Variants in PITPNM2 observed in about 807,000 individuals in gnomAD.
PITPNM2 encodes the protein phosphatidylinositol transfer protein membrane associated 2.
In PITPNM2, 35 loss-of-function variants were observed where a neutral mutation model predicts 132.2. The ratio of observed to expected loss-of-function variants is 0.26; its 90% confidence interval spans 0.20 to 0.35. The LOEUF is 0.35. Among genes scored for constraint, PITPNM2 ranks in the 10% least tolerant of loss-of-function variants. The pLI, the probability that PITPNM2 is intolerant of heterozygous loss-of-function variation, is 1.00. For missense variants in PITPNM2, 1,332 were observed against 1,912.0 expected (o/e 0.70, Z 5.66); for synonymous variants, 738 against 799.2 (o/e 0.92, Z 1.29).
In PITPNM2 at chr12:122,990,568, T is replaced by C. The variant is rs2038143059; in HGVS notation, c.2546A>G (p.Tyr849Cys). 2 of 1,612,916 alleles carry C rather than the reference T, an allele frequency of 1.2e-6. No homozygotes were observed. The highest frequency in any genetic ancestry group is 1.3e-5 in the African/African-American group (1 of 74,946). The change falls in exon 17 of 26, where the codon TAC becomes TGC. Residue 849 changes from tyrosine (Y) to cysteine (C), a missense_variant. Around this residue, in one of 6 missense-constraint regions of PITPNM2, gnomAD observed 710 missense variants for 911.5 expected, o/e 0.78. Transcript: ENST00000320201. ...ASQVSGMAESYTASSIAQKAP... is the reference protein window; with the variant it reads ...ASQVSGMAESCTASSIAQKAP... The stretch of plus-strand genomic sequence containing the variant: ...ACTCTGGGCGATGCTGGATGCCGTG[T>C]AGCTCTCAGCCATGCCTGACACCTG...
At chr12:123,006,657 G>A (rs983682913) in intron 6 of PITPNM2, among the ~76,000 whole-genome samples, 2 of 151,268 alleles carry the variant, frequency 1.3e-5, no homozygotes, top group Admixed American at 6.6e-5. Flanking sequence ...AGGCTGCAGC[G>A]AGCCATGATC....
intron 10 of PITPNM2, 92 bp from the exon 11 acceptor site, chr12:122,997,664 C>G: frequency 6.6e-7 from 1 of 1,516,022 alleles, no homozygotes; most frequent in Admixed American, 1.8e-5. Flanking sequence ...GTGCCTCTTG[C>G]ACGCAGCCCA....
At chr12:123,085,504 G>C (rs1244376932) in intron 2 of PITPNM2, among the ~76,000 whole-genome samples, 1 of 152,156 alleles carries the variant, frequency 6.6e-6, no homozygotes, top group Non-Finnish European at 1.5e-5. Flanking sequence ...AGGCTACTGG[G>C]GGTGAGGAAA....
At position 123,117,861 on chromosome 12, in the gene PITPNM2, T is replaced by C. The variant is rs955471394; in HGVS notation, c.-199-7373A>G. Among the ~76,000 whole-genome samples the C allele has an allele frequency of 7.9e-5, 12 of 152,138 alleles. No individual in the cohort carries two copies. The highest frequency in any genetic ancestry group is 2.9e-4 in the African/African-American group (12 of 41,430). On this transcript the variant is annotated intron_variant, in intron 1 of 25. Coordinates refer to ENST00000320201, the MANE Select transcript of PITPNM2 (RefSeq NM_020845.3). This position sits in a 1 kb window ranked among gnomAD's most constrained non-coding sequence, Gnocchi z 4.7. ...GAGGCTACGGGACTAGTTATATGAGTAGGGGAGGTCCACCACTTCAAAGCC... is the reference window on the plus strand; with the variant it reads ...GAGGCTACGGGACTAGTTATATGAGCAGGGGAGGTCCACCACTTCAAAGCC...
chr12:123,021,973 C>A (rs1029411819), intron 3 of PITPNM2, among the ~76,000 whole-genome samples: 2 of 152,190 alleles, frequency 1.3e-5, no homozygotes, highest in African/African-American at 4.8e-5. Context: ...GGAACATCAT[C>A]CCAGGATGCC....
chr12:123,134,131 T>C (rs1202255551), intron 1 of PITPNM2, among the ~76,000 whole-genome samples: 1 of 152,138 alleles, frequency 6.6e-6, no homozygotes, highest in Non-Finnish European at 1.5e-5. Flanking sequence ...AGAGGCGTGA[T>C]CTTGGCTCAC....
Position 122,996,711 on chromosome 12 carries a change from C to G in PITPNM2, c.1662+10G>C. 1.2e-6 allele frequency: 2 copies of G among 1,610,880 alleles called. No homozygotes were observed. Among genetic ancestry groups the G allele is most frequent in the Non-Finnish European group, 1.7e-6 (2 of 1,179,134 alleles). ...ATCCTCCTCCCCTCCCCAACTTCCC[C>G]GGGACTCACCTGCCCATTGAAGGTC... On this transcript the variant is annotated intron_variant, in intron 12 of 25. Coordinates refer to ENST00000320201, the MANE Select transcript of PITPNM2 (RefSeq NM_020845.3).
Position 123,036,152 on chromosome 12 carries a change from C to G in PITPNM2, c.-95-1467G>C, listed in dbSNP as rs193186176. Reference sequence around the variant, plus strand: ...CCAGTCAGGCAACTTCCCCAGGGCACGGCTCTCTATCGGGCATTGGAGTAT... The same window carrying G: ...CCAGTCAGGCAACTTCCCCAGGGCAGGGCTCTCTATCGGGCATTGGAGTAT... On this transcript the variant is annotated intron_variant, in intron 2 of 25. Coordinates refer to ENST00000320201, the MANE Select transcript of PITPNM2 (RefSeq NM_020845.3). The surrounding 1 kb of genome is among the most constrained non-coding windows in gnomAD (Gnocchi z 4.1). 2.0e-5 allele frequency among the ~76,000 whole-genome samples: 3 copies of G among 152,182 alleles called. No individual in the cohort carries two copies. The highest frequency in any genetic ancestry group is 4.4e-5 in the Non-Finnish European group (3 of 68,040).
chr12:123,138,052 A>G (rs920118877), intron 1 of PITPNM2, among the ~76,000 whole-genome samples: 6 of 152,188 alleles, frequency 3.9e-5, no homozygotes, highest in Non-Finnish European at 1.5e-5. Flanking sequence ...GGCAAACCAA[A>G]GTCAAAATTT....
chr12:122,996,816 G>C lies in PITPNM2; in HGVS notation c.1567C>G (p.Gln523Glu), dbSNP rs2038449835. Reference protein sequence around the residue: ...ALPLLATSSPQYQEAVATVIQ... With the variant: ...ALPLLATSSPEYQEAVATVIQ... ...ACTGTGGCAACTGCCTCCTGGTACT[G>C]GGGGGAGGAGGTGGCCAGCAGGGGG... Residue 523 changes from glutamine to glutamate, a missense_variant, in exon 12 of 26, where the codon CAG (glutamine) becomes GAG (glutamate). Gln to Glu is a conservative substitution (Grantham distance 29). Transcript: ENST00000320201. The C allele has an allele frequency of 6.2e-7, 1 of 1,602,446 alleles. No homozygotes were observed. The highest frequency in any genetic ancestry group is 8.5e-7 in the Non-Finnish European group (1 of 1,177,070).
At chr12:123,092,740 G>T (rs1344821583) in intron 2 of PITPNM2, 3 of 152,304 alleles carry the variant, frequency 2.0e-5, no homozygotes, top group South Asian at 4.2e-4. Flanking sequence ...AGGAAAAACT[G>T]CCAGAAAACT....
chr12:122,986,403 G>A (rs762130934), intron 25 of PITPNM2, 33 bp downstream of exon 25: 10 of 1,563,930 alleles, frequency 6.4e-6, no homozygotes, highest in Admixed American at 1.9e-5. Context: ...CGAGCTGCCC[G>A]CCTGCACCCG....
chr12:123,001,236 G>T, intron 8 of PITPNM2, 78 bp from the exon 9 acceptor site: 1 of 1,107,036 alleles, frequency 9.0e-7, no homozygotes, highest in Non-Finnish European at 1.4e-6. Context: ...GGACGCCCCT[G>T]TGTACGGCTC....
At chr12:123,105,190 C>T (rs1400381141) in intron 2 of PITPNM2, among the ~76,000 whole-genome samples, 5 of 152,146 alleles carry the variant, frequency 3.3e-5, no homozygotes, top group Non-Finnish European at 5.9e-5. Context: ...GCCTTCCTTT[C>T]CCCTGCTTCT....
intron 2 of PITPNM2, among the ~76,000 whole-genome samples, chr12:123,067,963 C>G (rs973386806): frequency 3.9e-5 from 6 of 152,172 alleles, no homozygotes; most frequent in African/African-American, 1.2e-4. Context: ...AGGGCTGCAG[C>G]CCAATTAGCT....
chr12:123,017,075 A>G (rs1302161606), intron 3 of PITPNM2, among the ~76,000 whole-genome samples: 5 of 149,102 alleles, frequency 3.4e-5, no homozygotes, highest in Non-Finnish European at 7.4e-5. Flanking sequence ...AAAAGAAAAG[A>G]TAATAGTTTA....
chr12:123,006,996 C>T (rs929053258), intron 6 of PITPNM2, among the ~76,000 whole-genome samples: 1 of 152,210 alleles, frequency 6.6e-6, no homozygotes, highest in Admixed American at 6.5e-5. Flanking sequence ...TCCACATCCA[C>T]AGCCCCAGCG....
chr12:123,139,238 C>T (rs1392852723), intron 1 of PITPNM2, among the ~76,000 whole-genome samples: 2 of 152,156 alleles, frequency 1.3e-5, no homozygotes, highest in African/African-American at 4.8e-5. Flanking sequence ...CGGTGGCTCA[C>T]ACCTGTAATC....
At chr12:123,121,505 G>A (rs180728919) in intron 1 of PITPNM2, among the ~76,000 whole-genome samples, 6 of 152,014 alleles carry the variant, frequency 3.9e-5, no homozygotes, top group African/African-American at 7.2e-5. Flanking sequence ...GGTTAAATAC[G>A]CATAACATAA....
Sources: allele counts gnomAD v4.1 joint callset (sites outside exome capture counted in the v4.1 genomes callset), GRCh38; gene constraint gnomAD v4.1.1; regional missense constraint gnomAD v4.1.1; non-coding constraint Gnocchi (gnomAD v3.1); transcripts MANE v1.5; gene names NCBI Gene and HGNC (gene_info 2026-07-23, HGNC 2026-07-21).